PCDH9: variants seen among roughly 807,000 people sequenced by gnomAD.
The protein encoded by PCDH9 is protocadherin-9.
In PCDH9, 24 loss-of-function variants were observed where a neutral mutation model predicts 70.6. The observed-to-expected ratio is 0.34, with a 90% CI of 0.25 to 0.48. The LOEUF (loss-of-function observed/expected upper bound fraction) is 0.48. Ranked by LOEUF, PCDH9 falls within the 20% of genes least tolerant of loss-of-function variation. PCDH9 has a pLI of 0.99. For synonymous variants in PCDH9, 562 were observed against 558.5 expected (o/e 1.01, Z -0.09); for missense variants, 1,281 against 1,503.6 (o/e 0.85, Z 2.45).
chr13:66,737,974 C>T (rs970652351), intron 3 of PCDH9, among the ~76,000 whole-genome samples: 9 of 152,160 alleles, frequency 5.9e-5, no homozygotes, highest in African/African-American at 1.7e-4. Context: ...CCAGGAAGCT[C>T]GAACTGGGTG....
chr13:66,443,122 A>G (rs151096301), intron 4 of PCDH9, among the ~76,000 whole-genome samples: 2 of 152,364 alleles, frequency 1.3e-5, no homozygotes, highest in African/African-American at 4.8e-5. Context: ...CAGAAAATGT[A>G]TTAAGTAACA....
intron 2 of PCDH9, among the ~76,000 whole-genome samples, chr13:67,133,751 T>TA (rs577314141): frequency 1.9e-3 from 286 of 152,126 alleles, no homozygotes; most frequent in African/African-American, 6.1e-3. Flanking sequence ...GAAAGGTTAT[T>TA]AAAAAAATGA....
At chr13:66,498,762 T>G (rs1372816701) in intron 4 of PCDH9, among the ~76,000 whole-genome samples, 1 of 152,116 alleles carries the variant, frequency 6.6e-6, no homozygotes, top group Non-Finnish European at 1.5e-5. Flanking sequence ...CCGTATTAAG[T>G]GCGTAATACC....
chr13:66,406,903 A>G (rs917107218), intron 4 of PCDH9, among the ~76,000 whole-genome samples: 2 of 152,176 alleles, frequency 1.3e-5, no homozygotes, highest in African/African-American at 4.8e-5. Flanking sequence ...TCAAATACAT[A>G]TAAGAGGTTT....
At chr13:67,096,903 G>A (rs190472922) in intron 2 of PCDH9, among the ~76,000 whole-genome samples, 70 of 151,900 alleles carry the variant, frequency 4.6e-4, no homozygotes, top group Non-Finnish European at 1.0e-4. Context: ...TCATTTTCCC[G>A]TGCTTTGTTT....
chr13:67,081,257 G>A (rs1264875423), intron 2 of PCDH9, among the ~76,000 whole-genome samples: 1 of 152,058 alleles, frequency 6.6e-6, no homozygotes, highest in Non-Finnish European at 1.5e-5. Context: ...AGTTATTTTG[G>A]CTTGTTTTGT....
chr13:66,556,125 C>T (rs1961730026), intron 4 of PCDH9, among the ~76,000 whole-genome samples: 1 of 151,804 alleles, frequency 6.6e-6, no homozygotes, highest in East Asian at 1.9e-4. Context: ...TCATTATATG[C>T]TGCATTTTTC....
intron 3 of PCDH9, among the ~76,000 whole-genome samples, chr13:66,805,965 A>G (rs2080403387): frequency 6.6e-6 from 1 of 152,104 alleles, no homozygotes; most frequent in Admixed American, 6.6e-5. Flanking sequence ...AAAAAACATT[A>G]CTTCTTCTGT....
chr13:66,842,737 G>A (rs1463998649), intron 3 of PCDH9, among the ~76,000 whole-genome samples: 1 of 152,136 alleles, frequency 6.6e-6, no homozygotes, highest in Non-Finnish European at 1.5e-5. Context: ...ATCATCTCCT[G>A]TTTTGGGTAA....
chr13:67,120,798 A>G (rs935470037), intron 2 of PCDH9, among the ~76,000 whole-genome samples: 9 of 152,118 alleles, frequency 5.9e-5, no homozygotes, highest in Admixed American at 2.6e-4. Context: ...TCATTTATGG[A>G]CTGCTTTTAA....
intron 3 of PCDH9, among the ~76,000 whole-genome samples, chr13:66,783,271 C>T (rs1429447543): frequency 6.6e-6 from 1 of 152,020 alleles, no homozygotes; most frequent in South Asian, 2.1e-4. Context: ...TTCTTTATTT[C>T]ATAATTCACA....
intron 2 of PCDH9, among the ~76,000 whole-genome samples, chr13:67,055,445 C>T (rs2138108875): frequency 6.6e-6 from 1 of 152,268 alleles, no homozygotes; most frequent in Non-Finnish European, 1.5e-5. Flanking sequence ...GGACAATACT[C>T]CCCTTAAGAT....
At chr13:66,410,281 T>C (rs984060647) in intron 4 of PCDH9, among the ~76,000 whole-genome samples, 2 of 151,878 alleles carry the variant, frequency 1.3e-5, no homozygotes, top group African/African-American at 4.8e-5. Context: ...ATTCTCTATA[T>C]AAGGATTAGT....
At chr13:67,060,946 C>T (rs946048686) in intron 2 of PCDH9, among the ~76,000 whole-genome samples, 1 of 151,988 alleles carries the variant, frequency 6.6e-6, no homozygotes, top group African/African-American at 2.4e-5. Context: ...CTTTATTTGA[C>T]AAATAAATTC....
chr13:66,902,723 A>C lies in PCDH9; in HGVS notation c.3138+781T>G, dbSNP rs527285895. Among the ~76,000 whole-genome samples, 4 of 151,956 alleles carry C rather than the reference A, an allele frequency of 2.6e-5. No homozygotes were observed. The East Asian group carries it at 5.8e-4, about 22-fold the overall frequency. On this transcript the variant is annotated intron_variant, in intron 3 of 4. Coordinates refer to ENST00000377865, the MANE Select transcript of PCDH9 (RefSeq NM_203487.3). ...AAAAATGGGAATCTTCTTCCATTTC[A>C]CAACAATGCAAAAATAGTTAACACG...
chr13:66,317,943 A>G (rs983219759), intron 4 of PCDH9, among the ~76,000 whole-genome samples: 2 of 152,150 alleles, frequency 1.3e-5, no homozygotes, highest in African/African-American at 4.8e-5. Flanking sequence ...TCAGCTGTAC[A>G]TAAAGAAAAA....
In PCDH9 at chr13:66,390,807, A is replaced by G. The variant is rs373893670; in HGVS notation, c.3341-85779T>C. Among the ~76,000 whole-genome samples, 209 of 152,130 alleles carry G rather than the reference A, an allele frequency of 1.4e-3. 2 individuals carry two copies. Among genetic ancestry groups the G allele is most frequent in the African/African-American group, 4.9e-3 (203 of 41,526 alleles). ...TTAGAGACTATGGCTATCACATGCT[A>G]GGAAATAGAATCTGTATGATAAGCA... On this transcript the variant is annotated intron_variant, in intron 4 of 4. Transcript: ENST00000377865.
At chr13:66,401,355 T>A (rs1957183310) in intron 4 of PCDH9, among the ~76,000 whole-genome samples, 1 of 151,204 alleles carries the variant, frequency 6.6e-6, no homozygotes, top group Admixed American at 6.6e-5. Context: ...TTATGAGTTT[T>A]TTTTTCCCCC....
At chr13:66,625,313 G>T (rs2077483979) in intron 4 of PCDH9, among the ~76,000 whole-genome samples, 1 of 152,058 alleles carries the variant, frequency 6.6e-6, no homozygotes, top group South Asian at 2.1e-4. Context: ...ACCATTAGAG[G>T]TTTTTAGGGT....
Sources: allele counts gnomAD v4.1 joint callset (sites outside exome capture counted in the v4.1 genomes callset), GRCh38; gene constraint gnomAD v4.1.1; transcripts MANE v1.5; gene names NCBI Gene and HGNC (gene_info 2026-07-23, HGNC 2026-07-21).